URI1: variants seen among roughly 807,000 people sequenced by gnomAD.
URI1 encodes URI1 prefoldin like chaperone.
URI1 carries 39 observed loss-of-function variants against 60.2 expected under a neutral mutation model. That is an observed-to-expected ratio of 0.65 (90% CI 0.50 to 0.85). The LOEUF (loss-of-function observed/expected upper bound fraction) is 0.85, where lower values mean the gene tolerates loss of function less well. Among genes scored for constraint, URI1 ranks in the 40% least tolerant of loss-of-function variants. The pLI is 0.00. For missense variants in URI1, 691 were observed against 665.9 expected, an observed-to-expected ratio of 1.04 and a Z score of -0.42; for synonymous variants, 251 against 236.8, an observed-to-expected ratio of 1.06 and a Z score of -0.55.
At chr19:29,997,344 TG>T (rs1054073266) in intron 4 of URI1, among the ~76,000 whole-genome samples, 6 of 152,184 alleles carry the variant, frequency 3.9e-5, no homozygotes, top group African/African-American at 1.4e-4. Flanking sequence ...GTCAGTTGTT[TG>T]TACTATTTCT....
chr19:29,965,134 C>T (rs2055376422), intron 1 of URI1, among the ~76,000 whole-genome samples: 1 of 152,086 alleles, frequency 6.6e-6, no homozygotes, highest in Non-Finnish European at 1.5e-5. Context: ...GGTTGGTTAG[C>T]TTGTGCAGAT....
At chr19:29,956,667 A>C (rs2055252111) in intron 1 of URI1, 1 of 1,539,320 alleles carries the variant, frequency 6.5e-7, no homozygotes, top group African/African-American at 1.4e-5. Flanking sequence ...CAAGAGACCC[A>C]TTCTGGATAA....
At chr19:30,006,189 C>T (rs1290753035) in intron 6 of URI1, among the ~76,000 whole-genome samples, 1 of 152,108 alleles carries the variant, frequency 6.6e-6, no homozygotes, top group Non-Finnish European at 1.5e-5. Context: ...TTCCCATCTC[C>T]ACCCAGTAGA....
upstream of URI1, among the ~76,000 whole-genome samples, chr19:29,939,889 C>T (rs112879556): frequency 1.1e-4 from 17 of 152,054 alleles, no homozygotes; most frequent in South Asian, 2.7e-3. Flanking sequence ...AAGGTGGGTC[C>T]GACAATGCTG....
chr19:30,012,360 T>C lies in URI1; in HGVS notation c.1254T>C (p.Ser418=), dbSNP rs766397820. ...TGAAGTCTCGAAGTAGAGAGAATAGTGTGTGTAGCGACACTAGTGAAAGCA... is the reference window on the plus strand; with the variant it reads ...TGAAGTCTCGAAGTAGAGAGAATAGCGTGTGTAGCGACACTAGTGAAAGCA... ...SILKSRSREN[S]VCSDTSESSA... The change falls in exon 10 of 11, where the codon AGT becomes AGC. Residue 418 remains serine (S), a synonymous_variant. Coordinates refer to ENST00000392271, the MANE Select transcript of URI1 (RefSeq NM_003796.3). The C allele has an allele frequency of 4.3e-6, 7 of 1,614,190 alleles. No homozygotes were observed. The highest frequency in any genetic ancestry group is 5.9e-6 in the Non-Finnish European group (7 of 1,180,034).
chr19:30,014,738 A>G, intron 10 of URI1, 149 bp from the exon 11 acceptor site: 2 of 633,510 alleles, frequency 3.2e-6, no homozygotes, highest in Non-Finnish European at 5.3e-6. Flanking sequence ...GTTTCTCTGA[A>G]CAATTAGTAT....
chr19:29,950,502 C>T (rs1248834276), intron 1 of URI1, among the ~76,000 whole-genome samples: 1 of 152,124 alleles, frequency 6.6e-6, no homozygotes, highest in Non-Finnish European at 1.5e-5. Flanking sequence ...AATATGATGA[C>T]CACTGTTTAG....
At chr19:29,974,330 T>C (rs1830335516) in intron 2 of URI1, among the ~76,000 whole-genome samples, 1 of 152,140 alleles carries the variant, frequency 6.6e-6, no homozygotes. Context: ...GCTTTGTAAA[T>C]ATTCGTGAAT....
chr19:29,981,539 G>A (rs769322357), intron 2 of URI1, among the ~76,000 whole-genome samples: 26 of 151,802 alleles, frequency 1.7e-4, no homozygotes, highest in Non-Finnish European at 2.9e-4. Context: ...TATTGCACAT[G>A]ATTAGCAAGA....
intron 1 of URI1, among the ~76,000 whole-genome samples, chr19:29,943,036 A>G (rs942574795): frequency 6.6e-6 from 1 of 152,146 alleles, no homozygotes; most frequent in Non-Finnish European, 1.5e-5. Context: ...TTGCACGGAA[A>G]AGTTTTACCG....
intron 4 of URI1, among the ~76,000 whole-genome samples, chr19:29,995,515 G>C (rs1662323598): frequency 1.3e-5 from 2 of 148,310 alleles, no homozygotes; most frequent in African/African-American, 5.0e-5. Flanking sequence ...TGGTCTGTTG[G>C]TTGCCCTTTT....
chr19:29,987,594 C>A (rs2055688213), intron 4 of URI1, among the ~76,000 whole-genome samples: 1 of 152,114 alleles, frequency 6.6e-6, no homozygotes, highest in Non-Finnish European at 1.5e-5. Context: ...TCTTTATATA[C>A]TGAAGTAGCT....
chr19:29,992,224 C>T (rs1419629452), intron 4 of URI1, among the ~76,000 whole-genome samples: 1 of 152,146 alleles, frequency 6.6e-6, no homozygotes, highest in Non-Finnish European at 1.5e-5. Context: ...CGAGTGCCAC[C>T]ATGCCCAGCT....
rs1568451490 is a variant in URI1 at position 30,015,615 on chromosome 19, G to T, written c.*546G>T. 1 of 1,509,868 alleles carries T rather than the reference G, an allele frequency of 6.6e-7. No individual in the cohort carries two copies. The highest frequency in any genetic ancestry group is 2.1e-5 in the Admixed American group (1 of 47,894). The allele number at this position is 1,509,868 out of a possible 1,614,324, so 93.5% of individuals were successfully genotyped here. A position where few individuals can be genotyped will look rare whatever the true frequency, so the allele number is the denominator to read the frequency against. On this transcript the variant is annotated 3_prime_UTR_variant, in exon 11 of 11. Coordinates refer to ENST00000392271, the MANE Select transcript of URI1 (RefSeq NM_003796.3). ...TAATCTTTAAGGAAGAAAGCTACATGAATTAATTGTACTCTATGGGAAAAT... is the reference window on the plus strand; with the variant it reads ...TAATCTTTAAGGAAGAAAGCTACATTAATTAATTGTACTCTATGGGAAAAT...
chr19:29,925,600 C>T (rs1049719295), intron 1 of URI1: 2 of 152,264 alleles, frequency 1.3e-5, no homozygotes, highest in Non-Finnish European at 2.9e-5. Flanking sequence ...TTTCCCCCAG[C>T]ACAGCTCTTG....
intron 1 of URI1, chr19:29,923,816 A>C: frequency 1.4e-6 from 2 of 1,467,194 alleles, no homozygotes; most frequent in Non-Finnish European, 1.8e-6. Flanking sequence ...TGAGGATTTT[A>C]CTTTAACCAC....
At position 29,923,755 on chromosome 19, in the gene URI1, G is replaced by A. The variant is rs1568397507; in HGVS notation, c.63+1G>A. ...TAAGAGGGCTCTGGCATATGCATTG[G>A]TGAGTTGAAGCTTGACAGTGTTATA... On this transcript the variant is annotated splice_donor_variant, in intron 1 of 10. Coordinates refer to the URI1 transcript ENST00000360605. LOFTEE classifies it high-confidence loss of function. The A allele has an allele frequency of 6.5e-7, 1 of 1,536,638 alleles. No individual in the cohort carries two copies. The highest frequency in any genetic ancestry group is 8.7e-7 in the Non-Finnish European group (1 of 1,146,908).
At chr19:29,943,289 A>G (rs914453348) in intron 1 of URI1, among the ~76,000 whole-genome samples, 1 of 152,160 alleles carries the variant, frequency 6.6e-6, no homozygotes, top group African/African-American at 2.4e-5. Context: ...TTCATCGTAT[A>G]ATAAATGAGT....
intron 1 of URI1, among the ~76,000 whole-genome samples, chr19:29,967,938 A>G (rs1256401140): frequency 6.6e-6 from 1 of 152,220 alleles, no homozygotes; most frequent in Non-Finnish European, 1.5e-5. Flanking sequence ...CAGTGTTGGC[A>G]TATACTCCTG....
Sources: gnomAD v4.1 joint callset for allele counts (sites outside exome capture counted in the v4.1 genomes callset) on GRCh38, gnomAD v4.1.1 for gene constraint, MANE v1.5 for transcripts, NCBI Gene and HGNC (gene_info 2026-07-23, HGNC 2026-07-21) for gene names.